Variants in CLASP1 observed in about 807,000 individuals in gnomAD.
CLASP1 encodes CLIP-associating protein 1.
A neutral mutation model predicts 192.3 loss-of-function variants in CLASP1; 38 were observed. The observed-to-expected ratio is 0.20, with a 90% CI of 0.15 to 0.26. CLASP1 has a LOEUF of 0.26. CLASP1 is among the 10% of genes least tolerant of loss of function. CLASP1 has a pLI of 1.00. For synonymous variants in CLASP1, 691 were observed against 712.8 expected (o/e 0.97, Z 0.49); for missense variants, 1,433 against 1,932.5 (o/e 0.74, Z 4.85).
intron 19 of CLASP1, among the ~76,000 whole-genome samples, chr2:121,435,989 C>CT (rs2082230809): frequency 6.6e-6 from 1 of 150,980 alleles, no homozygotes; most frequent in African/African-American, 2.4e-5. Flanking sequence ...TAGGTAGTTT[C>CT]TTTTTCTAGT....
chr2:121,505,864 T>C (rs1372580846), intron 7 of CLASP1, among the ~76,000 whole-genome samples: 2 of 152,060 alleles, frequency 1.3e-5, no homozygotes, highest in African/African-American at 2.4e-5. Context: ...AAATTTTATA[T>C]ATAAATTTTA....
At chr2:121,592,278 C>T (rs1236878546) in intron 2 of CLASP1, among the ~76,000 whole-genome samples, 2 of 152,202 alleles carry the variant, frequency 1.3e-5, no homozygotes, top group Non-Finnish European at 2.9e-5. Flanking sequence ...TTTTTGTATT[C>T]CCTTCATAAT....
At chr2:121,510,068 A>C (rs773800945) in intron 7 of CLASP1, among the ~76,000 whole-genome samples, 1 of 152,210 alleles carries the variant, frequency 6.6e-6, no homozygotes, top group African/African-American at 2.4e-5. Context: ...AAGCTTATGG[A>C]ATACAGCTAA....
At chr2:121,478,665 C>CACACACACACACCACA (rs1559365421) in intron 8 of CLASP1, among the ~76,000 whole-genome samples, 12 of 95,630 alleles carry the variant, frequency 1.3e-4, no homozygotes, top group African/African-American at 4.5e-4. Context: ...CACACACCCC[C>CACACACACACACCACA]CACACACACC....
chr2:121,631,271 C>T (rs1364559658), intron 1 of CLASP1, among the ~76,000 whole-genome samples: 15 of 148,256 alleles, frequency 1.0e-4, no homozygotes, highest in South Asian at 4.2e-4. Context: ...CATGTTTCTA[C>T]GCCATTTTAA....
At chr2:121,418,574 C>G (rs1374096869) in intron 23 of CLASP1, 48 bp downstream of exon 23, 4 of 1,305,556 alleles carry the variant, frequency 3.1e-6, no homozygotes, top group Non-Finnish European at 4.4e-6. Context: ...CTCGGACAAG[C>G]AGGGAAAGGA....
chr2:121,372,624 CAGCCCCAGA>C (rs2149294601), intron 34 of CLASP1, among the ~76,000 whole-genome samples: 1 of 152,352 alleles, frequency 6.6e-6, no homozygotes, highest in East Asian at 1.9e-4. Context: ...ATTTGCTCGA[CAGCCCCAGA>C]AGACTTCTGA....
chr2:121,382,636 G>GT (rs2072003398), intron 32 of CLASP1, among the ~76,000 whole-genome samples: 2 of 152,216 alleles, frequency 1.3e-5, no homozygotes, highest in Admixed American at 1.3e-4. Context: ...ATGAGGGGCT[G>GT]TGTGTATCTG....
At chr2:121,541,809 A>G (rs2095240224) in intron 2 of CLASP1, among the ~76,000 whole-genome samples, 1 of 152,222 alleles carries the variant, frequency 6.6e-6, no homozygotes, top group African/African-American at 2.4e-5. Flanking sequence ...TAAAGAGTAC[A>G]CATGAGGCTA....
chr2:121,408,880 G>A (rs2077288423), intron 24 of CLASP1: 1 of 691,148 alleles, frequency 1.4e-6, no homozygotes, highest in South Asian at 1.7e-5. Flanking sequence ...CAACAATGAT[G>A]GTGAATCACT....
intron 35 of CLASP1, among the ~76,000 whole-genome samples, chr2:121,366,878 T>C (rs967223182): frequency 6.6e-5 from 10 of 152,154 alleles, no homozygotes; most frequent in Non-Finnish European, 1.5e-4. Flanking sequence ...CACTCACTAG[T>C]TTATTCAGTA....
At chr2:121,480,405 A>T (rs974893331) in intron 8 of CLASP1, among the ~76,000 whole-genome samples, 3 of 152,172 alleles carry the variant, frequency 2.0e-5, no homozygotes, top group Admixed American at 6.5e-5. Context: ...TCAGGTGGAA[A>T]ATGCCCTGGC....
intron 22 of CLASP1, among the ~76,000 whole-genome samples, chr2:121,423,030 AAT>A (rs2079777449): frequency 6.6e-6 from 1 of 152,182 alleles, no homozygotes; most frequent in African/African-American, 2.4e-5. Context: ...AGTAATATAT[AAT>A]CTATTACTGA....
At chr2:121,438,665 T>G (rs1005396353) in intron 19 of CLASP1, among the ~76,000 whole-genome samples, 18 of 152,166 alleles carry the variant, frequency 1.2e-4, no homozygotes, top group Non-Finnish European at 1.9e-4. Context: ...CAGCCTTGCA[T>G]CCCAGGGATG....
At chr2:121,480,117 A>T (rs1325961925) in intron 8 of CLASP1, among the ~76,000 whole-genome samples, 4 of 152,248 alleles carry the variant, frequency 2.6e-5, no homozygotes, top group Non-Finnish European at 5.9e-5. Context: ...ATAACGTGAG[A>T]AGAGAGAACT....
intron 8 of CLASP1, among the ~76,000 whole-genome samples, chr2:121,494,262 T>C (rs2093438698): frequency 6.6e-6 from 1 of 152,238 alleles, no homozygotes; most frequent in Non-Finnish European, 1.5e-5. Context: ...GCAGTACTAT[T>C]CAGCCATAAA....
intron 8 of CLASP1, among the ~76,000 whole-genome samples, chr2:121,498,305 C>T (rs1234247847): frequency 6.7e-6 from 1 of 150,254 alleles, no homozygotes; most frequent in African/African-American, 2.5e-5. Context: ...TCAAGCGATC[C>T]TCCCACCTCA....
intron 8 of CLASP1, among the ~76,000 whole-genome samples, chr2:121,496,570 T>C (rs529534053): frequency 4.6e-5 from 6 of 129,316 alleles, no homozygotes; most frequent in East Asian, 4.1e-4. Flanking sequence ...CTGAGAGACA[T>C]AGAAGAAAAG....
Position 121,451,894 on chromosome 2 carries a change from G to A in CLASP1, c.1386-45C>T, listed in dbSNP as rs751083080. The A allele has an allele frequency of 5.5e-5, 76 of 1,386,950 alleles. No homozygotes were observed. In the Middle Eastern group the frequency reaches 8.9e-4, roughly 16 times the overall value. The allele number at this position is 1,386,950 out of a possible 1,614,324, so 85.9% of individuals were successfully genotyped here. The stretch of plus-strand genomic sequence containing the variant: ...ACACAACTTATTAATACATATTTTA[G>A]TGAAAATGAAAACGGCATTTTTCTT... On this transcript the variant is annotated intron_variant, in intron 14 of 39. Transcript: ENST00000263710.
Sources: gnomAD v4.1 joint callset for allele counts (sites outside exome capture counted in the v4.1 genomes callset) on GRCh38, gnomAD v4.1.1 for gene constraint, MANE v1.5 for transcripts, NCBI Gene and HGNC (gene_info 2026-07-23, HGNC 2026-07-21) for gene names.